RUVBL1: variants seen among roughly 807,000 people sequenced by gnomAD.
The protein encoded by RUVBL1 is ruvB-like 1.
RUVBL1 carries 4 observed loss-of-function variants against 52.4 expected under a neutral mutation model. The ratio of observed to expected loss-of-function variants is 0.08; its 90% CI spans 0.04 to 0.17. RUVBL1 has a LOEUF of 0.17. Ranked by LOEUF, RUVBL1 falls within the 10% of genes least tolerant of loss-of-function variation. The pLI is 1.00. For missense variants in RUVBL1, 298 were observed against 572.8 expected (o/e 0.52, Z 4.90); for synonymous variants, 217 against 214.4 (o/e 1.01, Z -0.10).
rs1448906812 is a variant in RUVBL1 at position 128,067,889 on chromosome 3, C to T, written c.940-2669G>A. The T allele has an allele frequency of 4.1e-6, 4 of 986,732 alleles. No individual in the cohort carries two copies. The highest frequency in any genetic ancestry group is 4.8e-6 in the Non-Finnish European group (3 of 621,774). The allele number at this position is 986,732 out of a possible 1,614,324, so 61.1% of individuals were successfully genotyped here. ...TCTCTGTATGAATATTGTCAGTGCT[C>T]GAAGAGGCGATCTGTAACTGTTCAG... On this transcript the variant is annotated intron_variant, in intron 9 of 9. Coordinates refer to the RUVBL1 transcript ENST00000464873. This position sits in a 1 kb window ranked among gnomAD's most constrained non-coding sequence, Gnocchi z 4.1.
In RUVBL1 at chr3:128,123,783, C is replaced by T. The variant is rs1306893844; in HGVS notation, c.-59G>A. 6.6e-7 allele frequency: 1 copy of T among 1,522,406 alleles called. No individual in the cohort carries two copies. The highest frequency in any genetic ancestry group is 1.2e-5 in the South Asian group (1 of 83,102). 94.3% of individuals were successfully genotyped at this position (1,522,406 alleles called of 1,614,324 possible). A position where few individuals can be genotyped will look rare whatever the true frequency, so the allele number is the denominator to read the frequency against. ...AAACCAGCAGCTAGGACAGTGCGCCCGGCGCCTGAGTTACCATGCGGCCGT... is the reference window on the plus strand; with the variant it reads ...AAACCAGCAGCTAGGACAGTGCGCCTGGCGCCTGAGTTACCATGCGGCCGT... On this transcript the variant is annotated 5_prime_UTR_variant, in exon 1 of 11. Coordinates refer to ENST00000322623, the MANE Select transcript of RUVBL1 (RefSeq NM_003707.3).
intron 9 of RUVBL1, among the ~76,000 whole-genome samples, chr3:128,074,033 A>T (rs1942241842): frequency 1.4e-5 from 2 of 146,796 alleles, no homozygotes; most frequent in South Asian, 4.4e-4. Context: ...AATAGACTAC[A>T]TCAGGAAAAG....
chr3:128,077,449 A>G (rs536944642), downstream of RUVBL1, among the ~76,000 whole-genome samples: 2 of 152,230 alleles, frequency 1.3e-5, no homozygotes, highest in African/African-American at 4.8e-5. Context: ...ATGGATGACC[A>G]CGGATGAAGG....
chr3:128,097,319 G>T lies in RUVBL1; in HGVS notation c.997C>A (p.Arg333=), dbSNP rs1222376719. The change falls in exon 8 of 11, where the codon CGA becomes AGA. Residue 333 remains arginine, a synonymous_variant. Transcript: ENST00000322623. The part of the protein sequence containing the change: ...IAPIVIFASN[R]GNCVIRGTED... ...TCCTACCTGATGACACAGTTGCCTC[G>T]GTTGGATGCAAAGATGACGATGGGA... The T allele has an allele frequency of 6.2e-7, 1 of 1,614,134 alleles. No homozygotes were observed. Among genetic ancestry groups the T allele is most frequent in the Non-Finnish European group, 8.5e-7 (1 of 1,180,016 alleles).
intron 1 of RUVBL1, among the ~76,000 whole-genome samples, chr3:128,134,458 C>CAA (rs55972505): frequency 0.14 from 14,500 of 107,330 alleles, 1,005 homozygotes; most frequent in African/African-American, 0.19. Context: ...GTGAAACTGT[C>CAA]AAAAAAAAAA....
intron 1 of RUVBL1, among the ~76,000 whole-genome samples, chr3:128,138,547 T>C (rs1943977514): frequency 6.6e-6 from 1 of 151,876 alleles, no homozygotes; most frequent in African/African-American, 2.4e-5. Context: ...TGCAGGAAAT[T>C]GAAGAGGCCA....
intron 9 of RUVBL1, among the ~76,000 whole-genome samples, chr3:128,086,488 G>C (rs1413496291): frequency 6.6e-6 from 1 of 152,230 alleles, no homozygotes; most frequent in Non-Finnish European, 1.5e-5. Context: ...AGTCTGCTCA[G>C]CATCTCCAAC....
chr3:128,149,960 T>G (rs1314923896), intron 1 of RUVBL1, among the ~76,000 whole-genome samples: 2 of 152,220 alleles, frequency 1.3e-5, no homozygotes, highest in Non-Finnish European at 2.9e-5. Flanking sequence ...TGCAGCTTCT[T>G]CTCTTCAGCC....
upstream of RUVBL1, among the ~76,000 whole-genome samples, chr3:128,126,675 T>C (rs1260655290): frequency 1.3e-5 from 2 of 152,192 alleles, no homozygotes; most frequent in Non-Finnish European, 2.9e-5. Context: ...AGATCCAGTG[T>C]GTAAAGATGC....
intron 9 of RUVBL1, chr3:128,069,382 C>T: frequency 8.6e-7 from 1 of 1,160,378 alleles, no homozygotes; most frequent in South Asian, 1.4e-5. Context: ...GCCTTTGAGG[C>T]ATTAGGTCCC....
intron 1 of RUVBL1, among the ~76,000 whole-genome samples, chr3:128,146,994 CAGG>C (rs1378558985): frequency 6.6e-6 from 1 of 152,224 alleles, no homozygotes; most frequent in Non-Finnish European, 1.5e-5. Context: ...AGAGCAGATG[CAGG>C]GAGTCCTAGT....
intron 7 of RUVBL1, 91 bp downstream of exon 7, chr3:128,098,791 G>A: frequency 9.4e-7 from 1 of 1,062,600 alleles, no homozygotes; most frequent in Non-Finnish European, 1.5e-6. Context: ...CATTTCCTCA[G>A]GGCGACTGTG....
intron 1 of RUVBL1, 60 bp downstream of exon 1, chr3:128,123,524 A>G (rs1461948485): frequency 1.4e-6 from 2 of 1,474,766 alleles, no homozygotes; most frequent in Non-Finnish European, 1.8e-6. Context: ...CGACTTCAGC[A>G]GCTCTCTCGC....
intron 1 of RUVBL1, among the ~76,000 whole-genome samples, chr3:128,123,377 A>G (rs60464856): frequency 0.15 from 22,302 of 152,046 alleles, 1,895 homozygotes; most frequent in African/African-American, 0.23. Flanking sequence ...CCCCCAGTGG[A>G]TCGTCACTAG....
chr3:128,065,732 ATTTTT>A (rs758640768), intron 9 of RUVBL1, among the ~76,000 whole-genome samples: 2 of 97,528 alleles, frequency 2.1e-5, no homozygotes, highest in African/African-American at 4.1e-5. Flanking sequence ...ATCATTAAGA[ATTTTT>A]TTTTTTTTTT....
At chr3:128,134,633 A>T (rs1370259959) in intron 1 of RUVBL1, among the ~76,000 whole-genome samples, 5 of 151,876 alleles carry the variant, frequency 3.3e-5, no homozygotes, top group African/African-American at 1.2e-4. Flanking sequence ...CAAAAAATAA[A>T]AATAAAAATA....
At chr3:128,114,537 T>C (rs1323167435) in intron 2 of RUVBL1, among the ~76,000 whole-genome samples, 2 of 152,096 alleles carry the variant, frequency 1.3e-5, no homozygotes, top group African/African-American at 4.8e-5. Context: ...AGATCACAAG[T>C]GGCAAACTCG....
Position 128,081,666 on chromosome 3 carries a change from TCCTC to T in RUVBL1, c.1212-261_1212-258del, listed in dbSNP as rs901502467. The T allele has an allele frequency of 1.1e-5, 5 of 440,304 alleles. No homozygotes were observed. The highest frequency in any genetic ancestry group is 7.8e-5 in the African/African-American group (4 of 51,308). 27.3% of individuals were successfully genotyped at this position (440,304 alleles called of 1,614,324 possible). On this transcript the variant is annotated intron_variant, in intron 10 of 10. Transcript: ENST00000322623. The surrounding 1 kb of genome is among the most constrained non-coding windows in gnomAD (Gnocchi z 4.8). ...CCAAATCTTTAGTACAGTCTACAAA[TCCTC>T]CAGTAGGAAGTAATGTCACTGCTAC...
chr3:128,124,003 C>T (rs1943725017), upstream of RUVBL1: 1 of 716,444 alleles, frequency 1.4e-6, no homozygotes, highest in South Asian at 6.3e-5. Flanking sequence ...GTCGGGAGCA[C>T]AGTGGGACCA....
Sources: allele counts gnomAD v4.1 joint callset (sites outside exome capture counted in the v4.1 genomes callset), GRCh38; gene constraint gnomAD v4.1.1; non-coding constraint Gnocchi (gnomAD v3.1); transcripts MANE v1.5; gene names NCBI Gene and HGNC (gene_info 2026-07-23, HGNC 2026-07-21).